VTI1A: variants seen among roughly 807,000 people sequenced by gnomAD.
The protein encoded by VTI1A is vesicle transport through interaction with t-SNAREs 1A, also known as vesicle transport through interaction with t-SNAREs homolog 1A.
Under a neutral mutation model 34.9 loss-of-function variants are expected in VTI1A, and 22 were observed. The ratio of observed to expected loss-of-function variants is 0.63; its 90% confidence interval spans 0.45 to 0.90. The LOEUF is 0.90. Among genes scored for constraint, VTI1A ranks in the 40% least tolerant of loss-of-function variants. The pLI is 0.00. For synonymous variants in VTI1A, 87 were observed against 97.3 expected (o/e 0.89, Z 0.62); for missense variants, 268 against 275.6 (o/e 0.97, Z 0.20).
At chr10:112,553,918 T>C (rs1851456916) in intron 5 of VTI1A, among the ~76,000 whole-genome samples, 4 of 152,186 alleles carry the variant, frequency 2.6e-5, no homozygotes, top group Admixed American at 2.6e-4. Context: ...TCTTGCCTAC[T>C]TCACTGCCTC....
intron 7 of VTI1A, among the ~76,000 whole-genome samples, chr10:112,728,015 A>G (rs1850102973): frequency 6.6e-6 from 1 of 151,908 alleles, no homozygotes; most frequent in Admixed American, 6.6e-5. Context: ...GGTCCATTCC[A>G]CACCCCTAGC....
At chr10:112,633,250 C>T (rs924303117) in intron 5 of VTI1A, among the ~76,000 whole-genome samples, 22 of 152,154 alleles carry the variant, frequency 1.4e-4, no homozygotes, top group Non-Finnish European at 4.4e-5. Context: ...TAGAGAATTA[C>T]GGGACTTACA....
intron 5 of VTI1A, among the ~76,000 whole-genome samples, chr10:112,597,608 A>C (rs578100789): frequency 2.2e-5 from 2 of 89,440 alleles, no homozygotes; most frequent in East Asian, 5.7e-4. Context: ...GGCCGAGCCC[A>C]AGAGTTTGAG....
At chr10:112,757,351 A>ATTTTTTTTTTTTTTTTTTTTTTTTTTT (rs1175362768) in intron 7 of VTI1A, among the ~76,000 whole-genome samples, 2 of 40,672 alleles carry the variant, frequency 4.9e-5, no homozygotes, top group African/African-American at 2.1e-4. Flanking sequence ...TGTTGCTGTG[A>ATTTTTTTTTTTTTTTTTTTTTTTTTTT]TTTTTTTTTT....
intron 5 of VTI1A, among the ~76,000 whole-genome samples, chr10:112,619,370 C>T (rs144189171): frequency 2.6e-5 from 4 of 151,966 alleles, no homozygotes; most frequent in Middle Eastern, 3.2e-3. Flanking sequence ...TGGGTAAGCA[C>T]GTTCACCTGG....
chr10:112,457,823 C>T (rs1219984356), intron 1 of VTI1A, among the ~76,000 whole-genome samples: 1 of 152,112 alleles, frequency 6.6e-6, no homozygotes, highest in Non-Finnish European at 1.5e-5. Flanking sequence ...AGGAGTGAGC[C>T]TTCAGGAGAA....
chr10:112,640,765 G>A (rs1402704322), intron 5 of VTI1A, among the ~76,000 whole-genome samples: 2 of 152,146 alleles, frequency 1.3e-5, no homozygotes, highest in East Asian at 3.8e-4. Context: ...GTTGAATTAG[G>A]CAGTTGTTTT....
At chr10:112,584,212 G>C (rs1313449759) in intron 5 of VTI1A, among the ~76,000 whole-genome samples, 1 of 152,126 alleles carries the variant, frequency 6.6e-6, no homozygotes, top group Non-Finnish European at 1.5e-5. Flanking sequence ...TATTTTGGGT[G>C]GTTTTGCTAC....
At chr10:112,832,959 A>G in the VTI1A span, among the ~76,000 whole-genome samples, 5 of 152,196 alleles carry the variant, frequency 3.3e-5, no homozygotes, top group Admixed American at 6.5e-5. Context: ...TGATACCAGC[A>G]CCAGTTGGGT....
intron 7 of VTI1A, among the ~76,000 whole-genome samples, chr10:112,814,638 C>T (rs555327434): frequency 4.6e-5 from 7 of 152,266 alleles, no homozygotes; most frequent in Admixed American, 1.3e-4. Context: ...CAGCAACAGA[C>T]GCACAACAGG....
At chr10:112,753,215 C>T (rs559099593) in intron 7 of VTI1A, among the ~76,000 whole-genome samples, 8 of 151,768 alleles carry the variant, frequency 5.3e-5, no homozygotes, top group African/African-American at 1.2e-4. Context: ...AAAAAATAAT[C>T]CTTTGCCAGG....
At chr10:112,478,742 GTATTA>G (rs1848364060) in intron 3 of VTI1A, among the ~76,000 whole-genome samples, 1 of 152,008 alleles carries the variant, frequency 6.6e-6, no homozygotes, top group Non-Finnish European at 1.5e-5. Flanking sequence ...TTTTATTATT[GTATTA>G]TATTACTATT....
At chr10:112,793,045 C>T (rs537351196) in intron 7 of VTI1A, among the ~76,000 whole-genome samples, 4 of 152,198 alleles carry the variant, frequency 2.6e-5, no homozygotes, top group African/African-American at 9.7e-5. Flanking sequence ...TTGTCGCACA[C>T]TCGGTGAAGT....
chr10:112,537,510 C>G (rs1358103715), intron 4 of VTI1A, among the ~76,000 whole-genome samples: 2 of 151,296 alleles, frequency 1.3e-5, no homozygotes, highest in Non-Finnish European at 2.9e-5. Context: ...TCTAATTTCC[C>G]CATCAGATAA....
intron 7 of VTI1A, among the ~76,000 whole-genome samples, chr10:112,809,010 G>T (rs974128463): frequency 2.0e-5 from 3 of 152,228 alleles, no homozygotes; most frequent in Non-Finnish European, 4.4e-5. Context: ...GCAAATGGTA[G>T]TGCAAGAGCT....
intron 5 of VTI1A, among the ~76,000 whole-genome samples, chr10:112,643,722 C>A (rs532085758): frequency 6.6e-6 from 1 of 152,266 alleles, no homozygotes; most frequent in Non-Finnish European, 1.5e-5. Flanking sequence ...GGAAAACAGA[C>A]AAAAACTCTT....
intron 7 of VTI1A, among the ~76,000 whole-genome samples, chr10:112,698,748 C>T (rs910461849): frequency 6.6e-6 from 1 of 152,224 alleles, no homozygotes; most frequent in Non-Finnish European, 1.5e-5. Context: ...GGAACACATG[C>T]TTTGCCACCC....
At chr10:112,676,534 A>T (rs1848036282) in intron 7 of VTI1A, among the ~76,000 whole-genome samples, 1 of 152,082 alleles carries the variant, frequency 6.6e-6, no homozygotes, top group Non-Finnish European at 1.5e-5. Flanking sequence ...CCAACACAGA[A>T]TGTCTTCCTT....
intron 3 of VTI1A, among the ~76,000 whole-genome samples, chr10:112,510,003 A>G (rs1849553386): frequency 2.0e-5 from 3 of 152,226 alleles, no homozygotes; most frequent in Admixed American, 6.5e-5. Flanking sequence ...GCATATTTAT[A>G]GAACGCCAAA....
Sources: allele counts gnomAD v4.1 joint callset (sites outside exome capture counted in the v4.1 genomes callset), GRCh38; gene constraint gnomAD v4.1.1; transcripts MANE v1.5; gene names NCBI Gene and HGNC (gene_info 2026-07-23, HGNC 2026-07-21).